MYO10: variants seen among roughly 807,000 people sequenced by gnomAD.
MYO10 encodes myosin X.
In MYO10, 133 loss-of-function variants were observed where a neutral mutation model predicts 257.3. The observed-to-expected ratio is 0.52, with a 90% CI of 0.45 to 0.60. The LOEUF (loss-of-function observed/expected upper bound fraction) is 0.60, where lower values mean the gene tolerates loss of function less well. MYO10 is among the 20% of genes least tolerant of loss of function. The pLI, the probability that MYO10 is intolerant of heterozygous loss-of-function variation, is 0.00. For missense variants in MYO10, 2,399 were observed against 2,635.7 expected (o/e 0.91, Z 1.97); for synonymous variants, 1,104 against 1,028.6 (o/e 1.07, Z -1.40).
intron 2 of MYO10, among the ~76,000 whole-genome samples, chr5:16,870,517 T>A (rs1744423072): frequency 6.6e-6 from 1 of 151,594 alleles, no homozygotes; most frequent in Non-Finnish European, 1.5e-5. Context: ...GTGATTCGTA[T>A]GCACCACTCT....
At chr5:16,784,330 G>C in intron 4 of MYO10, among the ~76,000 whole-genome samples, 1 of 152,234 alleles carries the variant, frequency 6.6e-6, no homozygotes, top group Non-Finnish European at 1.5e-5. Context: ...GCAGGAGCTG[G>C]AGGGTGGTGA....
At position 16,668,289 on chromosome 5, in the gene MYO10, A is replaced by G. The variant is rs778926229; in HGVS notation, c.6063T>C (p.Phe2021=). The change falls in exon 40 of 41, where the codon TTT becomes TTC. Residue 2021 remains phenylalanine, a synonymous_variant. Transcript: ENST00000513610. The part of the protein sequence containing the change: ...KIVVDERELL[F]ETSEVVDVAK... ...CTTTGCCTCTTACCTCACTGGTTTC[A>G]AAGAGCAGCTCCCTCTCATCGACCA... 6.2e-7 allele frequency: 1 copy of G among 1,609,872 alleles called. No individual in the cohort carries two copies.
chr5:16,812,843 T>C (rs1349733426), intron 3 of MYO10, among the ~76,000 whole-genome samples: 2 of 152,144 alleles, frequency 1.3e-5, no homozygotes, highest in Admixed American at 1.3e-4. Flanking sequence ...TTCAGAAAGA[T>C]TCAATTATCA....
intron 1 of MYO10, among the ~76,000 whole-genome samples, chr5:16,884,858 T>C (rs1744851416): frequency 6.6e-6 from 1 of 152,126 alleles, no homozygotes. Flanking sequence ...GCAGGATCAT[T>C]CTAGTTGAGA....
chr5:16,899,349 ATG>A (rs1745309598), intron 1 of MYO10, among the ~76,000 whole-genome samples: 1 of 152,044 alleles, frequency 6.6e-6, no homozygotes, highest in African/African-American at 2.4e-5. Context: ...TAATAAAAGA[ATG>A]TGGCTGGGCG....
At chr5:16,720,028 G>A (rs1404281731) in intron 19 of MYO10, among the ~76,000 whole-genome samples, 1 of 149,304 alleles carries the variant, frequency 6.7e-6, no homozygotes. Context: ...GTGTGTATAT[G>A]TATGTATGTA....
chr5:16,874,354 G>A (rs1040460863), intron 2 of MYO10, among the ~76,000 whole-genome samples: 2 of 108,492 alleles, frequency 1.8e-5, no homozygotes, highest in African/African-American at 6.3e-5. Context: ...CGGGGGGGGG[G>A]GGGGGTTTCT....
At chr5:16,868,979 A>C (rs1394134373) in intron 2 of MYO10, among the ~76,000 whole-genome samples, 1 of 152,170 alleles carries the variant, frequency 6.6e-6, no homozygotes, top group Non-Finnish European at 1.5e-5. Context: ...TGAAATAAGA[A>C]AGCATGGGTT....
At chr5:16,855,131 CT>C (rs1038258328) in intron 2 of MYO10, among the ~76,000 whole-genome samples, 3 of 152,122 alleles carry the variant, frequency 2.0e-5, no homozygotes, top group African/African-American at 7.2e-5. Flanking sequence ...TAAAATGTGG[CT>C]TTAGCTGCTT....
chr5:16,662,599 G>A lies in MYO10; in HGVS notation c.*4093C>T, dbSNP rs1736022268. ...GGCCTTCCAACATGCTGGGATTACA[G>A]GCGTGAGCCAGCATGCCTGGCTGAA... On this transcript the variant is annotated 3_prime_UTR_variant, in exon 41 of 41. Transcript: ENST00000513610. 1 of 152,116 alleles carries A rather than the reference G, an allele frequency of 6.6e-6. No individual in the cohort carries two copies. Among genetic ancestry groups the A allele is most frequent in the African/African-American group, 2.4e-5 (1 of 41,402 alleles). 9.4% of individuals were successfully genotyped at this position (152,116 alleles called of 1,614,324 possible). A position where few individuals can be genotyped will look rare whatever the true frequency, so the allele number is the denominator to read the frequency against.
intron 19 of MYO10, among the ~76,000 whole-genome samples, chr5:16,730,240 A>G (rs1473098287): frequency 1.3e-5 from 2 of 152,138 alleles, no homozygotes; most frequent in Admixed American, 6.5e-5. Flanking sequence ...CTCTAAACAA[A>G]CGCTTCTTAT....
intron 19 of MYO10, among the ~76,000 whole-genome samples, 151 bp from the exon 20 acceptor site, chr5:16,711,396 G>C (rs889594008): frequency 3.3e-5 from 5 of 152,284 alleles, no homozygotes; most frequent in Admixed American, 1.3e-4. Flanking sequence ...GACTAGCACA[G>C]GAACCCCAGT....
intron 2 of MYO10, among the ~76,000 whole-genome samples, chr5:16,838,645 A>G (rs577387601): frequency 6.6e-6 from 1 of 152,340 alleles, no homozygotes; most frequent in Non-Finnish European, 1.5e-5. Context: ...TGGCTACACT[A>G]AAAAGGTTTT....
At chr5:16,764,683 G>GT (rs113477351) in intron 11 of MYO10, among the ~76,000 whole-genome samples, 2 of 151,776 alleles carry the variant, frequency 1.3e-5, no homozygotes, top group Non-Finnish European at 2.9e-5. Flanking sequence ...ATGTTACCAG[G>GT]TTTTTTTTGT....
chr5:16,799,748 C>T (rs1742066673), intron 3 of MYO10, among the ~76,000 whole-genome samples: 1 of 152,138 alleles, frequency 6.6e-6, no homozygotes, highest in Non-Finnish European at 1.5e-5. Context: ...CCCACCTCAG[C>T]CTCCCAAAGT....
chr5:16,884,892 T>C (rs1040006254), intron 1 of MYO10, among the ~76,000 whole-genome samples: 4 of 152,146 alleles, frequency 2.6e-5, no homozygotes, highest in African/African-American at 9.7e-5. Flanking sequence ...AGTAATACAG[T>C]GTTCTAGAGC....
At chr5:16,781,600 A>T (rs1014660797) in intron 6 of MYO10, 105 bp downstream of exon 6, 4 of 1,216,994 alleles carry the variant, frequency 3.3e-6, no homozygotes, top group Admixed American at 2.5e-5. Context: ...TTAAAGAACC[A>T]GAGAAAGAAA....
chr5:16,718,210 C>G (rs1260868210), intron 19 of MYO10, among the ~76,000 whole-genome samples: 1 of 152,208 alleles, frequency 6.6e-6, no homozygotes, highest in East Asian at 1.9e-4. Flanking sequence ...TCGGGACCTG[C>G]AGCCCGCCAT....
chr5:16,929,530 T>C (rs249137), intron 1 of MYO10, among the ~76,000 whole-genome samples: 50,158 of 151,994 alleles, frequency 0.33, 8,592 homozygotes, highest in East Asian at 0.5. Flanking sequence ...TATCGTTTTC[T>C]AGCTGTGTGA....
Sources: gnomAD v4.1 joint callset for allele counts (sites outside exome capture counted in the v4.1 genomes callset) on GRCh38, gnomAD v4.1.1 for gene constraint, MANE v1.5 for transcripts, NCBI Gene and HGNC (gene_info 2026-07-23, HGNC 2026-07-21) for gene names.